SPTBN1: variants seen among roughly 807,000 people sequenced by gnomAD.
SPTBN1 encodes the protein spectrin beta chain, non-erythrocytic 1.
In SPTBN1, 32 loss-of-function variants were observed where a neutral mutation model predicts 266.4. The observed-to-expected ratio is 0.12, with a 90% CI of 0.09 to 0.16. The LOEUF (loss-of-function observed/expected upper bound fraction) is 0.16, where lower values mean the gene tolerates loss of function less well. Among genes scored for constraint, SPTBN1 ranks in the 10% least tolerant of loss-of-function variants. The pLI, the probability that SPTBN1 is intolerant of heterozygous loss-of-function variation, is 1.00. For missense variants in SPTBN1, 2,296 were observed against 3,067.1 expected (o/e 0.75, Z 5.94); for synonymous variants, 1,336 against 1,162.2 (o/e 1.15, Z -3.04).
At chr2:54,651,497 G>A (rs1386555993) in intron 26 of SPTBN1, among the ~76,000 whole-genome samples, 1 of 152,184 alleles carries the variant, frequency 6.6e-6, no homozygotes, top group Non-Finnish European at 1.5e-5. Flanking sequence ...GGAGTACATG[G>A]TGCTTCTTCT....
chr2:54,472,184 C>T (rs1450388350), intron 1 of SPTBN1, among the ~76,000 whole-genome samples: 3 of 151,860 alleles, frequency 2.0e-5, no homozygotes, highest in Admixed American at 6.6e-5. Flanking sequence ...CCCACCACCA[C>T]GCCCAGCTAA....
intron 1 of SPTBN1, among the ~76,000 whole-genome samples, chr2:54,461,212 C>T (rs949853684): frequency 1.3e-5 from 2 of 152,142 alleles, no homozygotes; most frequent in Non-Finnish European, 2.9e-5. Context: ...CAAAATTATA[C>T]TTTATGTATT....
intron 1 of SPTBN1, among the ~76,000 whole-genome samples, chr2:54,469,096 A>T (rs1693785405): frequency 1.3e-5 from 2 of 152,182 alleles, no homozygotes; most frequent in African/African-American, 4.8e-5. Flanking sequence ...TTTCTATTTG[A>T]TTATGCAAGC....
intron 2 of SPTBN1, among the ~76,000 whole-genome samples, chr2:54,574,484 C>G (rs1674322435): frequency 6.6e-6 from 1 of 152,206 alleles, no homozygotes; most frequent in Admixed American, 6.5e-5. Flanking sequence ...TTCCTTAGCC[C>G]TAGCTGCGCA....
At chr2:54,638,178 A>G (rs1056299581) in intron 18 of SPTBN1, among the ~76,000 whole-genome samples, 4 of 152,252 alleles carry the variant, frequency 2.6e-5, no homozygotes, top group Non-Finnish European at 5.9e-5. Flanking sequence ...AACTTTGACT[A>G]GTGGCTACCA....
chr2:54,573,006 G>A (rs1674193122), intron 2 of SPTBN1, among the ~76,000 whole-genome samples: 1 of 152,126 alleles, frequency 6.6e-6, no homozygotes, highest in South Asian at 2.1e-4. Flanking sequence ...TGAGAAGGCG[G>A]GCCCAGACCC....
intron 1 of SPTBN1, among the ~76,000 whole-genome samples, chr2:54,458,006 G>A (rs1176282920): frequency 6.6e-6 from 1 of 152,228 alleles, no homozygotes; most frequent in Non-Finnish European, 1.5e-5. Flanking sequence ...AGTGGTGTGC[G>A]GAGGCAATGT....
At chr2:54,529,852 CAAAAAAAAAAA>C (rs61316795) in intron 2 of SPTBN1, 83 of 62,024 alleles carry the variant, frequency 1.3e-3, no homozygotes, top group South Asian at 2.5e-3. Flanking sequence ...CTCTTTTCAC[CAAAAAAAAAAA>C]AAAAAAAAAA....
chr2:54,620,364 G>A (rs1417868614), intron 7 of SPTBN1, among the ~76,000 whole-genome samples: 2 of 152,212 alleles, frequency 1.3e-5, no homozygotes, highest in Non-Finnish European at 2.9e-5. Flanking sequence ...CTTTTGAAAT[G>A]GACCTTGATG....
chr2:54,471,475 AT>A (rs34044536), intron 1 of SPTBN1, among the ~76,000 whole-genome samples: 6,201 of 143,622 alleles, frequency 0.043, 176 homozygotes, highest in South Asian at 0.12. Context: ...TGGTGGTCTG[AT>A]TTTTTTTTTT....
At chr2:54,654,062 G>A (rs1268142407) in intron 27 of SPTBN1, among the ~76,000 whole-genome samples, 1 of 152,104 alleles carries the variant, frequency 6.6e-6, no homozygotes, top group African/African-American at 2.4e-5. Flanking sequence ...TGGGAGCCTG[G>A]GGTTATCAAA....
intron 2 of SPTBN1, among the ~76,000 whole-genome samples, chr2:54,534,271 T>C (rs1371038291): frequency 6.6e-6 from 1 of 152,132 alleles, no homozygotes; most frequent in South Asian, 2.1e-4. Flanking sequence ...TCTTGCATGG[T>C]GGAATGGGTT....
At chr2:54,666,215 A>C in intron 34 of SPTBN1, 127 bp downstream of exon 34, 1 of 1,046,760 alleles carries the variant, frequency 9.6e-7, no homozygotes, top group Non-Finnish European at 1.4e-6. Context: ...ATCCCCAATA[A>C]AGTGAAAAAC....
Position 54,646,439 on chromosome 2 carries a change from G to A in SPTBN1, c.4830G>A (p.Glu1610=). 6.3e-7 allele frequency: 1 copy of A among 1,580,094 alleles called. No individual in the cohort carries two copies. Among genetic ancestry groups the A allele is most frequent in the South Asian group, 1.2e-5 (1 of 86,316 alleles). The change falls in exon 23 of 36, where the codon GAG becomes GAA. Residue 1610 remains glutamate (E), a synonymous_variant. Coordinates refer to ENST00000356805, the MANE Select transcript of SPTBN1 (RefSeq NM_003128.3). The surrounding 1 kb of genome is among the most constrained non-coding windows in gnomAD (Gnocchi z 4.4). The part of the protein sequence containing the change: ...DAAEAEAWMS[E]QELYMMSEEK... ...CTGAGGCCGAAGCCTGGATGAGCGA[G>A]CAGGAGCTGTACATGATGTCAGAGG...
intron 18 of SPTBN1, 51 bp downstream of exon 18, chr2:54,637,854 C>A (rs1454210162): frequency 6.2e-6 from 9 of 1,443,160 alleles, no homozygotes; most frequent in Non-Finnish European, 8.7e-6. Flanking sequence ...ATAGCAATTG[C>A]CAGCCAGCAT....
At chr2:54,485,444 C>T (rs1050022917) in intron 1 of SPTBN1, among the ~76,000 whole-genome samples, 32 of 152,244 alleles carry the variant, frequency 2.1e-4, no homozygotes, top group African/African-American at 3.9e-4. Flanking sequence ...CTGCCAGCCT[C>T]GGCCTCCCAA....
At position 54,537,689 on chromosome 2, in the gene SPTBN1, T is replaced by C. The variant is rs926439117; in HGVS notation, c.148+11123T>C. Among the ~76,000 whole-genome samples, 159 of 152,312 alleles carry C rather than the reference T, an allele frequency of 1.0e-3. 1 individual carries two copies. The highest frequency in any genetic ancestry group is 3.7e-3 in the African/African-American group (155 of 41,568). ...CCCCTAGGACAACAGAAATTAAGGC[T>C]TTTCATCTCTCCATCTCTTGTTGTT... is the stretch of plus-strand genomic sequence containing the variant. On this transcript the variant is annotated intron_variant, in intron 2 of 35. Coordinates refer to ENST00000356805, the MANE Select transcript of SPTBN1 (RefSeq NM_003128.3).
intron 1 of SPTBN1, among the ~76,000 whole-genome samples, chr2:54,479,912 C>T (rs555021228): frequency 1.3e-5 from 2 of 151,834 alleles, no homozygotes; most frequent in Admixed American, 6.6e-5. Flanking sequence ...CCAGGCTGGC[C>T]TCTAACTCCT....
In SPTBN1 at chr2:54,667,628, C is replaced by T. The variant is rs530042405; in HGVS notation, c.6858C>T (p.Leu2286=). ...KLRLNDGNEY[L]FQAKDDEEMN... ...GACTAAATGATGGCAATGAGTACCT[C>T]TTCCAAGCCAAAGACGATGTAAGTT... Residue 2286 remains leucine, a synonymous_variant, in exon 35 of 36, where the codon CTC becomes CTT. Transcript: ENST00000356805. 6.2e-7 allele frequency: 1 copy of T among 1,613,814 alleles called. No individual in the cohort carries two copies. Among genetic ancestry groups the T allele is most frequent in the African/African-American group, 1.3e-5 (1 of 74,926 alleles).
Sources: gnomAD v4.1 joint callset for allele counts (sites outside exome capture counted in the v4.1 genomes callset) on GRCh38, gnomAD v4.1.1 for gene constraint, Gnocchi (gnomAD v3.1) non-coding constraint, MANE v1.5 for transcripts, NCBI Gene and HGNC (gene_info 2026-07-23, HGNC 2026-07-21) for gene names.